MCF2: variants seen among roughly 807,000 people sequenced by gnomAD.
MCF2 encodes MCF.2 cell line derived transforming sequence.
Under a neutral mutation model 82.5 loss-of-function variants are expected in MCF2, and 44 were observed. That is an observed-to-expected ratio of 0.53 (90% CI 0.42 to 0.69). The LOEUF is 0.69. Among genes scored for constraint, MCF2 ranks in the 30% least tolerant of loss-of-function variants. The pLI is 0.00. For missense variants in MCF2, 623 were observed against 663.1 expected (o/e 0.94, Z 0.66); for synonymous variants, 217 against 224.9 (o/e 0.96, Z 0.32).
At chrX:139,591,341 T>A (rs1265491632) in intron 19 of MCF2, among the ~76,000 whole-genome samples, 6 of 111,965 alleles carry the variant, frequency 5.4e-5, no homozygotes, top group Non-Finnish European at 1.1e-4. Context: ...CTCTTTCCCC[T>A]ATTTAAGTTG....
At chrX:139,635,871 C>T (rs1933184337) in intron 1 of MCF2, among the ~76,000 whole-genome samples, 1 of 109,665 alleles carries the variant, frequency 9.1e-6, no homozygotes, top group Non-Finnish European at 1.9e-5. Context: ...CCTCTCCCTC[C>T]TCCCACCCTC....
intron 1 of MCF2, among the ~76,000 whole-genome samples, chrX:139,699,719 G>A (rs1935451328): frequency 8.9e-6 from 1 of 111,974 alleles, no homozygotes; most frequent in Non-Finnish European, 1.9e-5. Context: ...TCATTGTATG[G>A]CTAGACCATA....
intron 1 of MCF2, among the ~76,000 whole-genome samples, chrX:139,678,476 T>C (rs748264363): frequency 8.9e-6 from 1 of 112,131 alleles, no homozygotes; most frequent in South Asian, 3.7e-4. Context: ...TTAATTATGC[T>C]ACATTAAAAT....
At chrX:139,607,865 C>G (rs1343136814) in intron 11 of MCF2, 86 bp from the exon 16 acceptor site, 6 of 576,027 alleles carry the variant, frequency 1.0e-5, no homozygotes, top group Non-Finnish European at 1.7e-5. Flanking sequence ...TAAGTTTATT[C>G]TAGGTCCTAA....
intron 1 of MCF2, among the ~76,000 whole-genome samples, chrX:139,686,002 CA>C: frequency 9.2e-6 from 1 of 108,528 alleles, no homozygotes; most frequent in Admixed American, 9.9e-5. Context: ...GAACTAAAAA[CA>C]AAAACCACAT....
intron 3 of MCF2, among the ~76,000 whole-genome samples, chrX:139,630,941 T>C (rs1033366719): frequency 1.8e-5 from 2 of 112,396 alleles, no homozygotes; most frequent in Non-Finnish European, 3.8e-5. Flanking sequence ...CATTTTACTT[T>C]TGCTATCTCA....
In MCF2 at chrX:139,616,714, G is replaced by A. The variant is rs183850974; in HGVS notation, c.1000-241C>T. On this transcript the variant is annotated intron_variant, in intron 8 of 24. Transcript: ENST00000370576. ...CCACAGATACTGCTGATACACAGCC[G>A]AGGTTGGGAAACACTGCATTTATTT... Among the ~76,000 whole-genome samples the A allele has an allele frequency of 2.5e-3, 280 of 110,820 alleles. 1 individual carries two copies. The highest frequency in any genetic ancestry group is 8.6e-3 in the African/African-American group (262 of 30,556).
chrX:139,626,698 G>A (rs1418042480), exon 5 of MCF2: 1 of 1,205,710 alleles, frequency 8.3e-7, no homozygotes, highest in African/African-American at 1.7e-5. Context: ...TTCAGTGTCA[G>A]GCACTTCCAG....
chrX:139,706,908 T>A (rs771266523), intron 1 of MCF2, among the ~76,000 whole-genome samples: 19 of 109,735 alleles, frequency 1.7e-4, no homozygotes, highest in Non-Finnish European at 3.2e-4. Flanking sequence ...ATTATTATTA[T>A]TAATAAAAGT....
chrX:139,589,281 A>C (rs1043454865), intron 20 of MCF2, among the ~76,000 whole-genome samples: 5 of 112,222 alleles, frequency 4.5e-5, no homozygotes, highest in Non-Finnish European at 7.5e-5. Context: ...CAAACAAAAA[A>C]CACTGAGCAT....
upstream of MCF2, chrX:139,645,478 G>T: frequency 2.1e-6 from 1 of 467,774 alleles, no homozygotes; most frequent in Non-Finnish European, 3.6e-6. Flanking sequence ...TATTGTCTCC[G>T]TCAGTACCAA....
chrX:139,588,892 T>C (rs1603273492), intron 20 of MCF2, among the ~76,000 whole-genome samples: 1 of 108,966 alleles, frequency 9.2e-6, no homozygotes, highest in East Asian at 2.9e-4. Context: ...ATCACACCAC[T>C]GCACTCCAGC....
intron 1 of MCF2, among the ~76,000 whole-genome samples, chrX:139,687,082 GCAAA>G (rs1174241436): frequency 9.6e-6 from 1 of 104,242 alleles, no homozygotes; most frequent in Non-Finnish European, 2.0e-5. Flanking sequence ...ACACACATAT[GCAAA>G]CACTCACTCT....
intron 1 of MCF2, among the ~76,000 whole-genome samples, chrX:139,668,765 G>A (rs889755522): frequency 5.4e-5 from 6 of 111,393 alleles, no homozygotes; most frequent in Admixed American, 9.6e-5. Flanking sequence ...ATCATGATAC[G>A]TCTCTCAAAT....
rs767729083 is a variant in MCF2 at position 139,594,968 on chromosome X, A to C, written c.2277+1581T>G. On this transcript the variant is annotated intron_variant, in intron 19 of 24. Transcript: ENST00000370576. ...AGACATTTATGCAGCCAAAAAACAC[A>C]TGACAAAATGCTCACCATCACTGGC... Among the ~76,000 whole-genome samples the C allele has an allele frequency of 8.6e-3, 958 of 111,355 alleles. 13 individuals are homozygous for C. Among genetic ancestry groups the C allele is most frequent in the African/African-American group, 0.031 (927 of 30,150 alleles).
intron 7 of MCF2, among the ~76,000 whole-genome samples, chrX:139,618,308 G>A (rs1279477647): frequency 9.0e-6 from 1 of 110,613 alleles, no homozygotes; most frequent in Non-Finnish European, 1.9e-5. Flanking sequence ...GAAATGACTG[G>A]CCTCTCTATC....
intron 1 of MCF2, among the ~76,000 whole-genome samples, chrX:139,684,382 T>C (rs1342570210): frequency 8.9e-6 from 1 of 111,982 alleles, no homozygotes; most frequent in African/African-American, 3.2e-5. Context: ...ATGGTGGGAA[T>C]GTAAAAGGGT....
In MCF2 at chrX:139,622,966, G is replaced by A. The variant is rs754240266; in HGVS notation, c.687+3227C>T. Among the ~76,000 whole-genome samples, 17 of 111,301 alleles carry A rather than the reference G, an allele frequency of 1.5e-4. No homozygotes were observed. In the South Asian group the frequency reaches 2.3e-3, roughly 15 times the overall value. ...GATACTTCTCAAAAGAAGACATACA[G>A]ATTTCCAACAAAGAGGAGAAAATGC... On this transcript the variant is annotated intron_variant, in intron 6 of 24. Transcript: ENST00000370576.
upstream of MCF2, among the ~76,000 whole-genome samples, chrX:139,646,532 AC>A (rs1933807303): frequency 9.0e-6 from 1 of 111,559 alleles, no homozygotes; most frequent in Admixed American, 9.6e-5. Context: ...ATCGTTCTCA[AC>A]CTATGTTCTT....
Sources: allele counts gnomAD v4.1 joint callset (sites outside exome capture counted in the v4.1 genomes callset), GRCh38; gene constraint gnomAD v4.1.1; transcripts MANE v1.5; gene names NCBI Gene and HGNC (gene_info 2026-07-23, HGNC 2026-07-21).